KCNIP1: variants seen among roughly 807,000 people sequenced by gnomAD.
KCNIP1 encodes A-type potassium channel modulatory protein KCNIP1.
Under a neutral mutation model 33.0 loss-of-function variants are expected in KCNIP1, and 18 were observed. That is an observed-to-expected ratio of 0.55 (90% CI 0.38 to 0.81). The LOEUF (loss-of-function observed/expected upper bound fraction) is 0.81. Ranked by LOEUF, KCNIP1 falls within the 30% of genes least tolerant of loss-of-function variation. The pLI is 0.00. For synonymous variants in KCNIP1, 93 were observed against 98.3 expected (o/e 0.95, Z 0.32); for missense variants, 238 against 271.6 (o/e 0.88, Z 0.87).
intron 1 of KCNIP1, among the ~76,000 whole-genome samples, chr5:170,534,046 CA>C (rs1755879980): frequency 6.6e-6 from 1 of 152,234 alleles, no homozygotes; most frequent in African/African-American, 2.4e-5. Context: ...AAAGGAAAAA[CA>C]TATGCACATT....
At chr5:170,630,537 A>G (rs1410851231) in intron 1 of KCNIP1, among the ~76,000 whole-genome samples, 1 of 152,118 alleles carries the variant, frequency 6.6e-6, no homozygotes, top group Non-Finnish European at 1.5e-5. Flanking sequence ...GACTTGGGGG[A>G]GGGCAGATGA....
chr5:170,725,815 T>C (rs1406785489), intron 5 of KCNIP1, among the ~76,000 whole-genome samples: 1 of 152,010 alleles, frequency 6.6e-6, no homozygotes, highest in East Asian at 1.9e-4. Context: ...AAATTAAAAA[T>C]AAAAAATAAA....
chr5:170,599,456 T>G (rs1209467697), intron 1 of KCNIP1, among the ~76,000 whole-genome samples: 1 of 152,106 alleles, frequency 6.6e-6, no homozygotes, highest in Non-Finnish European at 1.5e-5. Flanking sequence ...TACTCAACCC[T>G]TCAGACTTAC....
chr5:170,438,390 G>T (rs1755913703), intron 1 of KCNIP1, among the ~76,000 whole-genome samples: 1 of 152,168 alleles, frequency 6.6e-6, no homozygotes, highest in Non-Finnish European at 1.5e-5. Context: ...AGGTGAGGAG[G>T]GTCTCCTGTC....
At chr5:170,542,213 G>A (rs920309272) in intron 1 of KCNIP1, among the ~76,000 whole-genome samples, 2 of 152,154 alleles carry the variant, frequency 1.3e-5, no homozygotes, top group Non-Finnish European at 2.9e-5. Context: ...AGGCCGCGTC[G>A]TGACCCCCTG....
chr5:170,677,729 C>T (rs1454141180), intron 1 of KCNIP1, among the ~76,000 whole-genome samples: 2 of 152,070 alleles, frequency 1.3e-5, no homozygotes, highest in Admixed American at 6.6e-5. Flanking sequence ...CTAATCCCCC[C>T]ACAACCCCAC....
chr5:170,463,198 A>G (rs1756542921), intron 1 of KCNIP1, among the ~76,000 whole-genome samples: 1 of 152,218 alleles, frequency 6.6e-6, no homozygotes, highest in South Asian at 2.1e-4. Context: ...ACTTCCCACA[A>G]AGAACAGCTT....
intron 1 of KCNIP1, among the ~76,000 whole-genome samples, chr5:170,419,085 A>G (rs1029297973): frequency 6.6e-6 from 1 of 152,270 alleles, no homozygotes; most frequent in Non-Finnish European, 1.5e-5. Flanking sequence ...AGTGAATTTA[A>G]CAGATCTTCC....
chr5:170,615,761 T>C (rs1384864268), intron 1 of KCNIP1, among the ~76,000 whole-genome samples: 1 of 152,204 alleles, frequency 6.6e-6, no homozygotes, highest in Non-Finnish European at 1.5e-5. Context: ...CTCAGTTTCT[T>C]TATGTGTCAA....
At chr5:170,390,517 A>AAAAAATATATATATATATAT in intron 1 of KCNIP1, among the ~76,000 whole-genome samples, 1 of 74,548 alleles carries the variant, frequency 1.3e-5, no homozygotes, top group Non-Finnish European at 2.5e-5. Flanking sequence ...AAAAAAAACA[A>AAAAAATATATATATATATAT]ATATATATAT....
At chr5:170,508,505 G>C (rs1163604118) in intron 1 of KCNIP1, among the ~76,000 whole-genome samples, 3 of 152,344 alleles carry the variant, frequency 2.0e-5, no homozygotes, top group Admixed American at 2.0e-4. Context: ...ACAAGAGACA[G>C]ACAGGCATAG....
At chr5:170,721,577 T>C (rs577011485) in intron 3 of KCNIP1, among the ~76,000 whole-genome samples, 1 of 152,108 alleles carries the variant, frequency 6.6e-6, no homozygotes, top group Non-Finnish European at 1.5e-5. Context: ...AACGACTCCA[T>C]GCATAGACAG....
intron 7 of KCNIP1, among the ~76,000 whole-genome samples, chr5:170,735,251 G>T (rs1764343273): frequency 6.6e-6 from 1 of 151,886 alleles, no homozygotes; most frequent in Admixed American, 6.6e-5. Flanking sequence ...CTTCTCTGAG[G>T]TATAGTATTG....
intron 1 of KCNIP1, among the ~76,000 whole-genome samples, chr5:170,698,172 G>A (rs1050737698): frequency 6.6e-6 from 1 of 152,018 alleles, no homozygotes; most frequent in Non-Finnish European, 1.5e-5. Flanking sequence ...CCGGGTACCC[G>A]GGTATCACAG....
chr5:170,549,692 T>A (rs886164091), intron 1 of KCNIP1, among the ~76,000 whole-genome samples: 1 of 152,228 alleles, frequency 6.6e-6, no homozygotes, highest in Non-Finnish European at 1.5e-5. Context: ...AAATATTATA[T>A]GCTTGAAACT....
intron 1 of KCNIP1, among the ~76,000 whole-genome samples, chr5:170,588,478 G>A (rs990520131): frequency 3.3e-5 from 5 of 152,148 alleles, no homozygotes; most frequent in South Asian, 2.1e-4. Flanking sequence ...GAACAGAAGC[G>A]AGCAGCAGCT....
At chr5:170,476,733 C>G (rs1264045735) in intron 1 of KCNIP1, among the ~76,000 whole-genome samples, 1 of 152,132 alleles carries the variant, frequency 6.6e-6, no homozygotes, top group Non-Finnish European at 1.5e-5. Context: ...TTTAGACATC[C>G]ACTCTTAAGG....
intron 1 of KCNIP1, among the ~76,000 whole-genome samples, chr5:170,585,783 G>A (rs1045575653): frequency 6.6e-6 from 1 of 152,182 alleles, no homozygotes; most frequent in African/African-American, 2.4e-5. Context: ...CATGACAGAT[G>A]TTCACATGGA....
chr5:170,381,226 T>A (rs1764227184), intron 1 of KCNIP1, among the ~76,000 whole-genome samples: 1 of 152,176 alleles, frequency 6.6e-6, no homozygotes, highest in African/African-American at 2.4e-5. Flanking sequence ...GGGGCCTGAA[T>A]GCATCCTTTC....
Sources: allele counts gnomAD v4.1 joint callset (sites outside exome capture counted in the v4.1 genomes callset), GRCh38; gene constraint gnomAD v4.1.1; transcripts MANE v1.5; gene names NCBI Gene and HGNC (gene_info 2026-07-23, HGNC 2026-07-21).